The following ANK3 variants were observed in gnomAD, a reference collection of about 807,000 sequenced individuals.
ANK3 encodes the protein ankyrin-3.
Under a neutral mutation model 370.9 loss-of-function variants are expected in ANK3, and 57 were observed. That is an observed-to-expected ratio of 0.15 (90% CI 0.12 to 0.19). The LOEUF (loss-of-function observed/expected upper bound fraction) is 0.19, where lower values mean the gene tolerates loss of function less well. Ranked by LOEUF, ANK3 falls within the 10% of genes least tolerant of loss-of-function variation. ANK3 has a pLI of 1.00. For missense variants in ANK3, 4,439 were observed against 5,302.1 expected, an observed-to-expected ratio of 0.84 and a Z score of 5.06; for synonymous variants, 1,929 against 1,946.3, an observed-to-expected ratio of 0.99 and a Z score of 0.23.
At chr10:60,529,338 G>A (rs1329377662) in intron 2 of ANK3, among the ~76,000 whole-genome samples, 1 of 152,122 alleles carries the variant, frequency 6.6e-6, no homozygotes, top group African/African-American at 2.4e-5. Flanking sequence ...AAATGCCTAG[G>A]CATAAACACA....
rs750157753 is a variant in ANK3, at chr10:60,069,545, T to C, written c.11336A>G (p.His3779Arg). The C allele has an allele frequency of 6.2e-7, 1 of 1,613,036 alleles. No individual in the cohort carries two copies. The highest frequency in any genetic ancestry group is 2.2e-5 in the East Asian group (1 of 44,874). Reference protein sequence around the residue: ...SQMGVRPHEKHDFQKDNFNNN... With the variant: ...SQMGVRPHEKRDFQKDNFNNN... ...ATTAAAGTTATCTTTTTGAAAATCA[T>C]GTTTTTCATGGGGCCTAACGCCCAT... Residue 3779 changes from histidine to arginine, a missense_variant, in exon 37 of 44, where the codon CAT becomes CGT. Around this residue, in one of 13 missense-constraint regions of ANK3, gnomAD observed 496 missense variants for 529.3 expected, o/e 0.94. Coordinates refer to ENST00000280772, the MANE Select transcript of ANK3 (RefSeq NM_020987.5).
intron 2 of ANK3, among the ~76,000 whole-genome samples, chr10:60,479,852 A>G (rs1301404688): frequency 2.0e-5 from 3 of 152,190 alleles, no homozygotes; most frequent in Admixed American, 6.5e-5. Context: ...TTGATTACTT[A>G]CCACACATTA....
In ANK3 at chr10:60,144,245, C is replaced by T. The variant is rs1342494896; in HGVS notation, c.2615-5158G>A. 6.8e-6 allele frequency: 3 copies of T among 437,996 alleles called. No individual in the cohort carries two copies. The Admixed American group carries it at 7.6e-5, about 11-fold the overall frequency. 27.1% of individuals were successfully genotyped at this position (437,996 alleles called of 1,614,324 possible). A position where few individuals can be genotyped will look rare whatever the true frequency, so the allele number is the denominator to read the frequency against. ...TAACCAAAACAAAAATGAGAAATGA[C>T]AAGGTCCAAAGGTAAACCAAAGAGG... On this transcript the variant is annotated intron_variant, in intron 23 of 43. Transcript: ENST00000280772.
intron 7 of ANK3, among the ~76,000 whole-genome samples, chr10:60,260,392 T>C (rs1386195909): frequency 6.6e-6 from 1 of 152,242 alleles, no homozygotes; most frequent in Non-Finnish European, 1.5e-5. Flanking sequence ...CTGATGCAAC[T>C]ACCACTGTAC....
At chr10:60,120,660 G>C (rs1032942671) in intron 25 of ANK3, among the ~76,000 whole-genome samples, 2 of 151,952 alleles carry the variant, frequency 1.3e-5, no homozygotes, top group African/African-American at 4.8e-5. Context: ...ATAGGCAAAA[G>C]AACTGAATAG....
chr10:60,592,977 G>T (rs2077937810), intron 2 of ANK3, among the ~76,000 whole-genome samples: 1 of 152,108 alleles, frequency 6.6e-6, no homozygotes, highest in Non-Finnish European at 1.5e-5. Flanking sequence ...TATCCTGGTG[G>T]AGAGAAGGGG....
chr10:60,256,072 C>A (rs1407120415), intron 7 of ANK3, among the ~76,000 whole-genome samples: 1 of 152,236 alleles, frequency 6.6e-6, no homozygotes, highest in African/African-American at 2.4e-5. Context: ...GACACTGTTA[C>A]AGAGGACCTA....
At chr10:60,204,820 T>C (rs1011700505) in intron 11 of ANK3, among the ~76,000 whole-genome samples, 1 of 151,858 alleles carries the variant, frequency 6.6e-6, no homozygotes, top group African/African-American at 2.4e-5. Flanking sequence ...ATGCACACGA[T>C]GAGGTGATGG....
At chr10:60,385,978 G>T (rs72806132) in intron 1 of ANK3, among the ~76,000 whole-genome samples, 16,124 of 152,180 alleles carry the variant, frequency 0.11, 956 homozygotes, top group South Asian at 0.14. Flanking sequence ...GGTACCAGAA[G>T]CCAACAACGA....
rs1028295197 is a variant in ANK3, at chr10:60,027,888, G to T, written c.*1958C>A. ...ATACCTGTAGACCCCACACCTGGCTGGAGAGGGCAGGGACAACTTGGCTCT... is the reference window on the plus strand; with the variant it reads ...ATACCTGTAGACCCCACACCTGGCTTGAGAGGGCAGGGACAACTTGGCTCT... On this transcript the variant is annotated 3_prime_UTR_variant, in exon 44 of 44. Transcript: ENST00000280772. The T allele has an allele frequency of 1.3e-5, 2 of 152,198 alleles. No homozygotes were observed. Among genetic ancestry groups the T allele is most frequent in the Admixed American group, 6.5e-5 (1 of 15,280 alleles). The allele number at this position is 152,198 out of a possible 1,614,324, so 9.4% of individuals were successfully genotyped here.
chr10:60,544,194 A>G (rs2076913017), intron 2 of ANK3, among the ~76,000 whole-genome samples: 1 of 152,072 alleles, frequency 6.6e-6, no homozygotes, highest in Admixed American at 6.6e-5. Flanking sequence ...ATATCCATAT[A>G]TGTTTTATTC....
intron 1 of ANK3, among the ~76,000 whole-genome samples, chr10:60,321,880 T>C (rs2048747046): frequency 6.6e-6 from 1 of 152,176 alleles, no homozygotes; most frequent in African/African-American, 2.4e-5. Context: ...TTTTTCAATA[T>C]ACCCACATGA....
intron 1 of ANK3, among the ~76,000 whole-genome samples, chr10:60,379,509 T>C (rs933091470): frequency 5.3e-5 from 8 of 152,118 alleles, no homozygotes; most frequent in Non-Finnish European, 1.0e-4. Flanking sequence ...AATGTGTACA[T>C]ATACACAATG....
At chr10:60,710,243 T>C (rs369443099) in intron 1 of ANK3, among the ~76,000 whole-genome samples, 1 of 152,172 alleles carries the variant, frequency 6.6e-6, no homozygotes, top group African/African-American at 2.4e-5. Flanking sequence ...TTTAAACAGA[T>C]ACTCAACACT....
At chr10:60,209,303 A>C (rs1388833651) in intron 9 of ANK3, among the ~76,000 whole-genome samples, 2 of 152,350 alleles carry the variant, frequency 1.3e-5, no homozygotes, top group South Asian at 4.1e-4. Flanking sequence ...TCAAATATGT[A>C]CCAAGGAACC....
intron 1 of ANK3, among the ~76,000 whole-genome samples, chr10:60,646,224 C>T (rs965542686): frequency 3.9e-5 from 6 of 151,986 alleles, no homozygotes; most frequent in South Asian, 2.1e-4. Flanking sequence ...TCAAGATTGA[C>T]GTGGCAACAT....
chr10:60,674,917 TAAAA>T (rs1327451678), intron 1 of ANK3, among the ~76,000 whole-genome samples: 1 of 151,966 alleles, frequency 6.6e-6, no homozygotes, highest in South Asian at 2.1e-4. Context: ...GTAAGCCAAT[TAAAA>T]AAAAGAGAAC....
intron 2 of ANK3, among the ~76,000 whole-genome samples, chr10:60,589,176 A>T (rs2077875898): frequency 6.6e-6 from 1 of 152,232 alleles, no homozygotes; most frequent in Non-Finnish European, 1.5e-5. Flanking sequence ...ATTGTCAATG[A>T]TTCTAAAATT....
intron 2 of ANK3, among the ~76,000 whole-genome samples, chr10:60,523,704 G>A (rs866222412): frequency 1.3e-5 from 2 of 151,878 alleles, no homozygotes; most frequent in African/African-American, 4.8e-5. Context: ...ATAAACATAC[G>A]TGTGCATGTG....
Sources: allele counts gnomAD v4.1 joint callset (sites outside exome capture counted in the v4.1 genomes callset), GRCh38; gene constraint gnomAD v4.1.1; regional missense constraint gnomAD v4.1.1; transcripts MANE v1.5; gene names NCBI Gene and HGNC (gene_info 2026-07-23, HGNC 2026-07-21).